Variants in IGSF9 observed in about 807,000 individuals in gnomAD.
The protein encoded by IGSF9 is immunoglobulin superfamily member 9, also known as protein turtle homolog A.
IGSF9 carries 87 observed loss-of-function variants against 121.7 expected under a neutral mutation model. The ratio of observed to expected loss-of-function variants is 0.71; its 90% confidence interval spans 0.60 to 0.85. The LOEUF is 0.85. IGSF9 is among the 40% of genes least tolerant of loss of function. IGSF9 has a pLI of 0.00. For synonymous variants in IGSF9, 640 were observed against 648.4 expected, an observed-to-expected ratio of 0.99 and a Z score of 0.20; for missense variants, 1,462 against 1,565.3, an observed-to-expected ratio of 0.93 and a Z score of 1.11.
Position 159,937,822 on chromosome 1 carries a change from C to T in IGSF9, c.264G>A (p.Gln88=). The change falls in exon 4 of 21, where the codon CAG becomes CAA. Residue 88 remains glutamine, a synonymous_variant. Coordinates refer to ENST00000368094, the MANE Select transcript of IGSF9 (RefSeq NM_001135050.2). ...CCTCAATCTGGAGAGAGGCCCCCTT[C>T]TGCAGCCGGACTCGTCCTGGGGGAG... ...DPDYVGRVRL[Q]KGASLQIEGL... The T allele has an allele frequency of 6.2e-7, 1 of 1,613,958 alleles. No homozygotes were observed. The highest frequency in any genetic ancestry group is 8.5e-7 in the Non-Finnish European group (1 of 1,179,880).
In IGSF9 at chr1:159,928,309, C is replaced by A. The variant is rs1046450114; in HGVS notation, c.3079G>T (p.Gly1027Trp). The A allele has an allele frequency of 6.2e-7, 1 of 1,611,564 alleles. No homozygotes were observed. The highest frequency in any genetic ancestry group is 8.5e-7 in the Non-Finnish European group (1 of 1,179,088). Residue 1027 changes from glycine (G) to tryptophan (W), a missense_variant, in exon 19 of 21, where the codon GGG becomes TGG. Physicochemically the swap from Gly to Trp is radical, Grantham distance 184. Around this residue, in one of 3 missense-constraint regions of IGSF9, gnomAD observed 808 missense variants for 815.2 expected, o/e 0.99. Transcript: ENST00000368094. ...PRGSLTSQSS[G>W]RGSASFLRPP... Reference sequence around the variant, plus strand: ...CGCAGGAACGAAGCGCTGCCTCGCCCACTGCTCTGGCTGGTGAGGCTGCCT... The same window carrying A: ...CGCAGGAACGAAGCGCTGCCTCGCCAACTGCTCTGGCTGGTGAGGCTGCCT...
rs1650765258 is a variant in IGSF9, at chr1:159,927,176, G to C, written c.*169C>G. Reference sequence around the variant, plus strand: ...TCCAATCCCCAGACTCACCTAGGGGGTCAGCACATACATTCCATACCAAGG... The same window carrying C: ...TCCAATCCCCAGACTCACCTAGGGGCTCAGCACATACATTCCATACCAAGG... On this transcript the variant is annotated 3_prime_UTR_variant, in exon 21 of 21. Coordinates refer to ENST00000368094, the MANE Select transcript of IGSF9 (RefSeq NM_001135050.2). The C allele has an allele frequency of 1.4e-6, 1 of 712,658 alleles. No individual in the cohort carries two copies. Among genetic ancestry groups the C allele is most frequent in the African/African-American group, 1.8e-5 (1 of 56,326 alleles). 44.1% of individuals were successfully genotyped at this position (712,658 alleles called of 1,614,324 possible).
In IGSF9 at chr1:159,927,139, T is replaced by A; in HGVS notation, c.*206A>T. On this transcript the variant is annotated 3_prime_UTR_variant, in exon 21 of 21. Coordinates refer to ENST00000368094, the MANE Select transcript of IGSF9 (RefSeq NM_001135050.2). The stretch of plus-strand genomic sequence containing the variant: ...AGAGAGAGAGAGAGAGAGGCAGACC[T>A]AAGATCCCTGTTCCAATCCCCAGAC... 1 of 545,806 alleles carries A rather than the reference T, an allele frequency of 1.8e-6. No homozygotes were observed. The highest frequency in any genetic ancestry group is 3.2e-6 in the Non-Finnish European group (1 of 310,944). The allele number at this position is 545,806 out of a possible 1,614,324, so 33.8% of individuals were successfully genotyped here.
chr1:159,934,073 ACAAAAGATGT>A, intron 9 of IGSF9, 107 bp downstream of exon 9: 1 of 1,214,178 alleles, frequency 8.2e-7, no homozygotes, highest in South Asian at 1.4e-5. Context: ...AATTAAATTC[ACAAAAGATGT>A]GTGTCCCCAG....
Position 159,928,142 on chromosome 1 carries a change from C to T in IGSF9, c.3230+16G>A. ...GGACTGAGGCGGAGGCAGGGATGGGCAGGGACTGCTCTCACCTCTTGCTGA... is the reference window on the plus strand; with the variant it reads ...GGACTGAGGCGGAGGCAGGGATGGGTAGGGACTGCTCTCACCTCTTGCTGA... On this transcript the variant is annotated intron_variant, in intron 19 of 20. Coordinates refer to ENST00000368094, the MANE Select transcript of IGSF9 (RefSeq NM_001135050.2). The T allele has an allele frequency of 1.9e-6, 3 of 1,601,496 alleles. No homozygotes were observed. The highest frequency in any genetic ancestry group is 1.7e-6 in the Non-Finnish European group (2 of 1,178,820).
intron 1 of IGSF9, among the ~76,000 whole-genome samples, chr1:159,945,009 A>G (rs1651536037): frequency 6.6e-6 from 1 of 151,148 alleles, no homozygotes; most frequent in Non-Finnish European, 1.5e-5. Flanking sequence ...ATATCTTTCC[A>G]ACTCCCCCGG....
In IGSF9 at chr1:159,937,750, G is replaced by C. The variant is rs1651245275; in HGVS notation, c.336C>G (p.Phe112Leu). Residue 112 changes from phenylalanine (F) to leucine (L), a missense_variant, in exon 4 of 21, where the codon TTC (phenylalanine) becomes TTG (leucine). Coordinates refer to ENST00000368094, the MANE Select transcript of IGSF9 (RefSeq NM_001135050.2). Reference sequence around the variant, plus strand: ...CGTCTTCAGGGATGTGCTGGTCCAGGAAGAACACGCGGCACTCGTACCAGC... The same window carrying C: ...CGTCTTCAGGGATGTGCTGGTCCAGCAAGAACACGCGGCACTCGTACCAGC... ...DQGWYECRVF[F>L]LDQHIPEDDF... 6.2e-7 allele frequency: 1 copy of C among 1,614,080 alleles called. No homozygotes were observed.
intron 1 of IGSF9, among the ~76,000 whole-genome samples, chr1:159,944,894 C>T (rs1651533401): frequency 6.6e-6 from 1 of 152,176 alleles, no homozygotes; most frequent in Non-Finnish European, 1.5e-5. Flanking sequence ...CCACACTTCC[C>T]TGAAAAACCT....
chr1:159,933,839 C>G, intron 9 of IGSF9: 1 of 332,762 alleles, frequency 3.0e-6, no homozygotes, highest in Non-Finnish European at 5.7e-6. Flanking sequence ...ACCCACTACC[C>G]CACACAGCAC....
rs994328535 is a variant in IGSF9 at position 159,931,049 on chromosome 1, G to A, written c.1637+89C>T. On this transcript the variant is annotated intron_variant, in intron 13 of 20. Coordinates refer to ENST00000368094, the MANE Select transcript of IGSF9 (RefSeq NM_001135050.2). The surrounding 1 kb of genome is among the most constrained non-coding windows in gnomAD (Gnocchi z 4.8). ...AGGACTGGTGAGGGATAGAGGGACA[G>A]AAGAAAGGGCAGAAGGCCAGATAGG... The A allele has an allele frequency of 6.3e-7, 1 of 1,578,940 alleles. No individual in the cohort carries two copies. The highest frequency in any genetic ancestry group is 8.7e-7 in the Non-Finnish European group (1 of 1,155,154).
At chr1:159,929,120 A>G in intron 18 of IGSF9, 102 bp from the exon 19 acceptor site, 1 of 1,441,616 alleles carries the variant, frequency 6.9e-7, no homozygotes, top group Non-Finnish European at 9.4e-7. Flanking sequence ...GAGCAGAGCT[A>G]GGAAGAACAA....
chr1:159,931,608 A>T lies in IGSF9; in HGVS notation c.1363-5T>A, dbSNP rs1258842911. ...GCCTTGCAGCCCCCGGCCCACCTAC[A>T]GAACCACTGGTGAGCCCTGAGGACA... On this transcript the variant is annotated splice_polypyrimidine_tract_variant and splice_region_variant and intron_variant, in intron 11 of 20. Transcript: ENST00000368094. The surrounding 1 kb of genome is among the most constrained non-coding windows in gnomAD (Gnocchi z 4.8). 6.2e-7 allele frequency: 1 copy of T among 1,613,444 alleles called. No homozygotes were observed. The highest frequency in any genetic ancestry group is 8.5e-7 in the Non-Finnish European group (1 of 1,179,904).
chr1:159,927,173 G>T lies in IGSF9; in HGVS notation c.*172C>A. On this transcript the variant is annotated 3_prime_UTR_variant, in exon 21 of 21. Transcript: ENST00000368094. ...TGTTCCAATCCCCAGACTCACCTAG[G>T]GGGTCAGCACATACATTCCATACCA... 1 of 692,142 alleles carries T rather than the reference G, an allele frequency of 1.4e-6. No homozygotes were observed. The highest frequency in any genetic ancestry group is 2.5e-6 in the Non-Finnish European group (1 of 399,304). The allele number at this position is 692,142 out of a possible 1,614,324, so 42.9% of individuals were successfully genotyped here.
chr1:159,931,868 G>C lies in IGSF9; in HGVS notation c.1306C>G (p.Leu436Val). Residue 436 changes from leucine to valine, a missense_variant, in exon 11 of 21, where the codon CTG becomes GTG. Around this residue, in one of 3 missense-constraint regions of IGSF9, gnomAD observed 558 missense variants for 599.4 expected, o/e 0.93. Coordinates refer to ENST00000368094, the MANE Select transcript of IGSF9 (RefSeq NM_001135050.2). This position sits in a 1 kb window ranked among gnomAD's most constrained non-coding sequence, Gnocchi z 4.8. ...EEYFQEVGRE[L>V]LIPCSAQGDP... ...CCTTGGGCGGAGCAGGGGATGAGCA[G>C]CTCCCGCCCTACTTCTTGGAAATAT... 6.3e-7 allele frequency: 1 copy of C among 1,598,172 alleles called. No individual in the cohort carries two copies. Among genetic ancestry groups the C allele is most frequent in the Non-Finnish European group, 8.5e-7 (1 of 1,174,864 alleles).
chr1:159,928,731 CA>C lies in IGSF9; in HGVS notation c.2656del (p.Cys886ValfsTer42). 6.8e-7 allele frequency: 1 copy of C among 1,478,108 alleles called. No homozygotes were observed. The highest frequency in any genetic ancestry group is 9.0e-7 in the Non-Finnish European group (1 of 1,112,574). 91.6% of individuals were successfully genotyped at this position (1,478,108 alleles called of 1,614,324 possible). ...PAQRLARSFD[C>X]SSSSPSGAPQ... is the part of the protein sequence containing the mutation. ...TGCCCCACTGGGGCTGCTGCTGCTA[CA>C]GTCAAAGGACCGGGCCAGACGCTGG... On this transcript the variant is annotated frameshift_variant, in exon 19 of 21. Transcript: ENST00000368094. LOFTEE classifies it high-confidence loss of function.
intron 6 of IGSF9, among the ~76,000 whole-genome samples, chr1:159,935,898 C>A (rs1651165399): frequency 6.6e-6 from 1 of 152,206 alleles, no homozygotes; most frequent in African/African-American, 2.4e-5. Flanking sequence ...CGGACAGCAA[C>A]ACTTCCCTGT....
Position 159,932,826 on chromosome 1 carries a change from A to T in IGSF9, c.1105-174T>A. On this transcript the variant is annotated intron_variant, in intron 9 of 20. Coordinates refer to ENST00000368094, the MANE Select transcript of IGSF9 (RefSeq NM_001135050.2). This position sits in a 1 kb window ranked among gnomAD's most constrained non-coding sequence, Gnocchi z 4.1. ...TTCCAGTGCTTCCTTTCCTTCCTGCAGAGGGACCCCTCCCAATAGTGTGAG... is the reference window on the plus strand; with the variant it reads ...TTCCAGTGCTTCCTTTCCTTCCTGCTGAGGGACCCCTCCCAATAGTGTGAG... 1 of 618,922 alleles carries T rather than the reference A, an allele frequency of 1.6e-6. No homozygotes were observed. Among genetic ancestry groups the T allele is most frequent in the Non-Finnish European group, 2.7e-6 (1 of 364,896 alleles). 38.3% of individuals were successfully genotyped at this position (618,922 alleles called of 1,614,324 possible). A position where few individuals can be genotyped will look rare whatever the true frequency, so the allele number is the denominator to read the frequency against.
intron 6 of IGSF9, 69 bp downstream of exon 6, chr1:159,936,330 A>G: frequency 2.2e-6 from 3 of 1,368,838 alleles, no homozygotes; most frequent in Non-Finnish European, 3.1e-6. Flanking sequence ...GCTGTGAACC[A>G]ATTCAGCCAC....
chr1:159,928,110 T>A (rs1650810650), intron 19 of IGSF9, 48 bp downstream of exon 19: 2 of 1,584,476 alleles, frequency 1.3e-6, no homozygotes, highest in East Asian at 4.5e-5. Flanking sequence ...GTGAGAGGTC[T>A]GGGGTGGGAC....
Sources: gnomAD v4.1 joint callset for allele counts (sites outside exome capture counted in the v4.1 genomes callset) on GRCh38, gnomAD v4.1.1 for gene constraint, gnomAD v4.1.1 regional missense constraint, Gnocchi (gnomAD v3.1) non-coding constraint, MANE v1.5 for transcripts, NCBI Gene and HGNC (gene_info 2026-07-23, HGNC 2026-07-21) for gene names.